Variants in CDH18 observed in about 807,000 individuals in gnomAD.
CDH18 encodes the protein cadherin 18.
In CDH18, 31 loss-of-function variants were observed where a neutral mutation model predicts 67.9. That is an observed-to-expected ratio of 0.46 (90% confidence interval 0.34 to 0.62). The LOEUF (loss-of-function observed/expected upper bound fraction) is 0.62, where lower values mean the gene tolerates loss of function less well. Among genes scored for constraint, CDH18 ranks in the 20% least tolerant of loss-of-function variants. The pLI is 0.01. For synonymous variants in CDH18, 362 were observed against 347.2 expected, an observed-to-expected ratio of 1.04 and a Z score of -0.48; for missense variants, 890 against 975.5, an observed-to-expected ratio of 0.91 and a Z score of 1.17.
At chr5:20,194,358 G>A (rs995239442) in intron 2 of CDH18, among the ~76,000 whole-genome samples, 6 of 151,938 alleles carry the variant, frequency 3.9e-5, no homozygotes, top group Admixed American at 3.9e-4. Context: ...CGAACTGTGG[G>A]GTTATGCTAG....
intron 2 of CDH18, among the ~76,000 whole-genome samples, chr5:20,026,710 A>T (rs893491012): frequency 2.0e-5 from 3 of 152,136 alleles, no homozygotes; most frequent in African/African-American, 7.2e-5. Flanking sequence ...AGCTTCACAT[A>T]ATAAAATTTA....
intron 2 of CDH18, among the ~76,000 whole-genome samples, chr5:20,144,979 C>T (rs1029106774): frequency 3.9e-5 from 6 of 152,036 alleles, no homozygotes; most frequent in East Asian, 1.9e-4. Flanking sequence ...AGGGGAGAGG[C>T]GTCAGAAGGA....
chr5:20,196,888 G>A (rs80147585), intron 2 of CDH18, among the ~76,000 whole-genome samples: 1,690 of 152,264 alleles, frequency 0.011, 31 homozygotes, highest in African/African-American at 0.038. Flanking sequence ...TGAATCTAAA[G>A]AAATGTTTTG....
At chr5:20,140,414 T>C (rs762526862) in intron 2 of CDH18, among the ~76,000 whole-genome samples, 3 of 152,102 alleles carry the variant, frequency 2.0e-5, no homozygotes, top group Non-Finnish European at 2.9e-5. Flanking sequence ...CATGTACACA[T>C]ATGTAAGAAA....
chr5:19,856,020 A>G (rs1784242891), intron 2 of CDH18, among the ~76,000 whole-genome samples: 1 of 152,212 alleles, frequency 6.6e-6, no homozygotes, highest in African/African-American at 2.4e-5. Flanking sequence ...ACAGCAAAAG[A>G]CTTCTCCTAA....
At chr5:19,732,911 C>T (rs1254927793) in intron 4 of CDH18, among the ~76,000 whole-genome samples, 1 of 152,122 alleles carries the variant, frequency 6.6e-6, no homozygotes, top group African/African-American at 2.4e-5. Flanking sequence ...TTTAAATGGT[C>T]ACACAACTGG....
At chr5:19,840,107 T>TA (rs72220439) in intron 2 of CDH18, among the ~76,000 whole-genome samples, 68,318 of 141,704 alleles carry the variant, frequency 0.48, 16,490 homozygotes, top group Middle Eastern at 0.64. Flanking sequence ...AATAAAAAAA[T>TA]AAAAAAAAAA....
Position 19,954,928 on chromosome 5 carries a change from T to C in CDH18, c.-257+26132A>G, listed in dbSNP as rs376650783. Among the ~76,000 whole-genome samples, 91 of 152,046 alleles carry C rather than the reference T, an allele frequency of 6.0e-4. No individual in the cohort carries two copies. The South Asian group carries it at 0.016, about 27-fold the overall frequency. On this transcript the variant is annotated intron_variant, in intron 2 of 12. Coordinates refer to ENST00000382275, the MANE Select transcript of CDH18 (RefSeq NM_004934.5). ...GAAGTTTAGGAGATAGTGAGTGATA[T>C]CTTTTGGCTGTGTCTTCACCCAAAT...
intron 3 of CDH18, among the ~76,000 whole-genome samples, chr5:19,773,194 C>T (rs886237721): frequency 6.6e-6 from 1 of 151,930 alleles, no homozygotes; most frequent in African/African-American, 2.4e-5. Flanking sequence ...AGGACTATAC[C>T]ATATAAAAAT....
intron 2 of CDH18, among the ~76,000 whole-genome samples, chr5:20,035,456 A>G (rs1295496347): frequency 6.6e-6 from 1 of 152,042 alleles, no homozygotes; most frequent in Non-Finnish European, 1.5e-5. Flanking sequence ...ATTAACTCAT[A>G]CTTCTGCATG....
At chr5:20,510,856 A>T (rs1057375887) in intron 1 of CDH18, among the ~76,000 whole-genome samples, 2 of 152,188 alleles carry the variant, frequency 1.3e-5, no homozygotes, top group Non-Finnish European at 2.9e-5. Flanking sequence ...AGATGACCCA[A>T]GAGAACAAAA....
chr5:20,408,967 G>A (rs935874044), intron 1 of CDH18, among the ~76,000 whole-genome samples: 3 of 151,692 alleles, frequency 2.0e-5, no homozygotes, highest in African/African-American at 7.2e-5. Flanking sequence ...ACTGCAAACT[G>A]CAAGAGACAA....
chr5:20,399,944 C>A (rs539651582), intron 1 of CDH18, among the ~76,000 whole-genome samples: 17 of 152,262 alleles, frequency 1.1e-4, no homozygotes, highest in Non-Finnish European at 2.2e-4. Context: ...ACCCTCCGAG[C>A]TATAAGACAG....
intron 2 of CDH18, among the ~76,000 whole-genome samples, chr5:19,881,216 A>T (rs886416875): frequency 2.6e-5 from 4 of 152,172 alleles, no homozygotes; most frequent in Admixed American, 6.5e-5. Flanking sequence ...AGTCCTTTCA[A>T]TGCCTTGTTT....
chr5:19,844,451 C>A (rs1273269321), intron 2 of CDH18, among the ~76,000 whole-genome samples: 1 of 152,138 alleles, frequency 6.6e-6, no homozygotes, highest in Non-Finnish European at 1.5e-5. Context: ...TTTCTCCTTC[C>A]ACCAATATTG....
intron 1 of CDH18, among the ~76,000 whole-genome samples, chr5:20,575,136 A>G (rs1283201083): frequency 6.6e-6 from 1 of 152,124 alleles, no homozygotes; most frequent in Non-Finnish European, 1.5e-5. Flanking sequence ...ATTTATGAAC[A>G]TATTGTAAGG....
intron 2 of CDH18, among the ~76,000 whole-genome samples, chr5:19,898,631 A>ATAAGAAGAAAT (rs139717636): frequency 0.89 from 135,408 of 151,470 alleles, 60,622 homozygotes; most frequent in Non-Finnish European, 0.91. Context: ...TATATGGAAA[A>ATAAGAAGAAAT]TAAGAAGAAA....
intron 2 of CDH18, among the ~76,000 whole-genome samples, chr5:20,076,874 A>AT (rs147842734): frequency 0.035 from 5,350 of 152,240 alleles, 314 homozygotes; most frequent in African/African-American, 0.12. Context: ...ATATAAAGAG[A>AT]TTTTTGAAAC....
intron 9 of CDH18, among the ~76,000 whole-genome samples, chr5:19,521,606 A>T (rs1422309830): frequency 6.6e-6 from 1 of 152,138 alleles, no homozygotes; most frequent in Non-Finnish European, 1.5e-5. Context: ...TAATAATAAG[A>T]CTAGTAAAAA....
Sources: gnomAD v4.1 joint callset for allele counts (sites outside exome capture counted in the v4.1 genomes callset) on GRCh38, gnomAD v4.1.1 for gene constraint, MANE v1.5 for transcripts, NCBI Gene and HGNC (gene_info 2026-07-23, HGNC 2026-07-21) for gene names.